The following CTTNBP2 variants were observed in gnomAD, a reference collection of about 807,000 sequenced individuals.
The protein encoded by CTTNBP2 is cortactin-binding protein 2.
In CTTNBP2, 108 loss-of-function variants were observed where a neutral mutation model predicts 156.9. That is an observed-to-expected ratio of 0.69 (90% CI 0.59 to 0.81). The LOEUF (loss-of-function observed/expected upper bound fraction) is 0.81. CTTNBP2 is among the 30% of genes least tolerant of loss of function. The pLI is 0.00. For synonymous variants in CTTNBP2, 767 were observed against 751.8 expected (o/e 1.02, Z -0.33); for missense variants, 1,924 against 2,035.4 (o/e 0.95, Z 1.05).
At chr7:117,799,810 C>T (rs1381014444) in intron 3 of CTTNBP2, among the ~76,000 whole-genome samples, 6 of 151,954 alleles carry the variant, frequency 3.9e-5, no homozygotes, top group Non-Finnish European at 7.4e-5. Flanking sequence ...AGTAATATAG[C>T]AAGATTACAG....
At chr7:117,833,775 C>T (rs548125528) in intron 2 of CTTNBP2, among the ~76,000 whole-genome samples, 1 of 152,312 alleles carries the variant, frequency 6.6e-6, no homozygotes, top group Admixed American at 6.5e-5. Flanking sequence ...AGCACTTTAC[C>T]TAGTACACAA....
Position 117,728,232 on chromosome 7 carries a change from C to T in CTTNBP2, c.3912G>A (p.Val1304=). The change falls in exon 17 of 23, where the codon GTG becomes GTA. Residue 1304 remains valine, a synonymous_variant. Coordinates refer to ENST00000160373, the MANE Select transcript of CTTNBP2 (RefSeq NM_033427.3). The part of the protein sequence containing the change: ...KGQAPSPCDP[V]CKIVDWALSV... ...ACAGAGCCCAGTCGACAATCTTGCA[C>T]ACAGGATCGCAGGGGGAGGGCGCCT... The T allele has an allele frequency of 6.2e-7, 1 of 1,614,086 alleles. No individual in the cohort carries two copies.
At chr7:117,811,869 AATTAAATTAAAATTTTAATGTAAAAAT>A (rs1800309115) in intron 2 of CTTNBP2, among the ~76,000 whole-genome samples, 1 of 132,688 alleles carries the variant, frequency 7.5e-6, no homozygotes, top group Non-Finnish European at 1.6e-5. Flanking sequence ...TAAAAATTTT[AATTAAATTAAAATTTTAATGTAAAAAT>A]TTTAATTAAA....
At chr7:117,808,938 C>T (rs1563028680) in intron 3 of CTTNBP2, among the ~76,000 whole-genome samples, 1 of 152,120 alleles carries the variant, frequency 6.6e-6, no homozygotes, top group Non-Finnish European at 1.5e-5. Flanking sequence ...ACACTATAAT[C>T]TACTAAAATA....
At chr7:117,832,737 C>CATT (rs1801689642) in intron 2 of CTTNBP2, among the ~76,000 whole-genome samples, 1 of 112,996 alleles carries the variant, frequency 8.8e-6, no homozygotes, top group Non-Finnish European at 1.8e-5. Flanking sequence ...ATTCATCAAC[C>CATT]TTTTTTTTTT....
At chr7:117,801,907 T>C (rs1799629265) in intron 3 of CTTNBP2, among the ~76,000 whole-genome samples, 1 of 145,184 alleles carries the variant, frequency 6.9e-6, no homozygotes, top group Admixed American at 6.7e-5. Context: ...ATTTTTTTTA[T>C]TTTTTTATTT....
chr7:117,733,231 TTTTATTAACCTAC>T (rs1188074033), intron 16 of CTTNBP2, among the ~76,000 whole-genome samples: 4 of 152,164 alleles, frequency 2.6e-5, no homozygotes, highest in Non-Finnish European at 5.9e-5. Context: ...CCAGGGGCTG[TTTTATTAACCTAC>T]TTGAAGTGCT....
At chr7:117,798,940 T>TA (rs1375151920) in intron 3 of CTTNBP2, among the ~76,000 whole-genome samples, 1 of 151,802 alleles carries the variant, frequency 6.6e-6, no homozygotes, top group South Asian at 2.1e-4. Context: ...TTCAATAAAT[T>TA]AAAAAATCCT....
intron 19 of CTTNBP2, among the ~76,000 whole-genome samples, chr7:117,723,969 A>G (rs946721461): frequency 1.3e-5 from 2 of 151,886 alleles, no homozygotes; most frequent in African/African-American, 4.8e-5. Flanking sequence ...ACCTCAAGCT[A>G]TCCACTCGTC....
chr7:117,867,903 GA>G (rs1804316385), intron 1 of CTTNBP2, among the ~76,000 whole-genome samples: 2 of 152,146 alleles, frequency 1.3e-5, no homozygotes, highest in Admixed American at 6.5e-5. Flanking sequence ...TACTGACAAG[GA>G]AACAATGTCA....
chr7:117,722,622 G>C (rs2116398814), intron 19 of CTTNBP2, among the ~76,000 whole-genome samples: 1 of 152,176 alleles, frequency 6.6e-6, no homozygotes, highest in African/African-American at 2.4e-5. Flanking sequence ...CCATGATACT[G>C]CTTTAAATTC....
rs148817175 is a variant in CTTNBP2 at position 117,820,380 on chromosome 7, C to T, written c.190-9391G>A. 3.4e-3 allele frequency among the ~76,000 whole-genome samples: 517 copies of T among 152,264 alleles called. 3 individuals are homozygous for T. Among genetic ancestry groups the T allele is most frequent in the Non-Finnish European group, 5.7e-3 (386 of 68,008 alleles). ...GTTAGATCTTTACTTCCAGAGAATA[C>T]GTTTTTAATTTTGATGAAATCCAAT... On this transcript the variant is annotated intron_variant, in intron 2 of 22. Transcript: ENST00000160373.
At chr7:117,857,088 A>G (rs1470659562) in intron 2 of CTTNBP2, among the ~76,000 whole-genome samples, 1 of 152,222 alleles carries the variant, frequency 6.6e-6, no homozygotes, top group Admixed American at 6.5e-5. Context: ...CTTTGGGCAC[A>G]TTCTTTATTG....
chr7:117,735,819 G>A (rs1481237254), intron 14 of CTTNBP2, among the ~76,000 whole-genome samples: 3 of 152,160 alleles, frequency 2.0e-5, no homozygotes, highest in African/African-American at 7.2e-5. Context: ...ATTTCATCAT[G>A]TAAAGTTCAA....
intron 2 of CTTNBP2, among the ~76,000 whole-genome samples, chr7:117,846,683 C>A (rs1439869687): frequency 2.6e-5 from 4 of 151,970 alleles, no homozygotes; most frequent in Admixed American, 1.3e-4. Flanking sequence ...TTACATTTTA[C>A]AAAACTGTTA....
chr7:117,800,611 C>T (rs919938319), intron 3 of CTTNBP2, among the ~76,000 whole-genome samples: 1 of 152,000 alleles, frequency 6.6e-6, no homozygotes, highest in African/African-American at 2.4e-5. Flanking sequence ...GTGTGTTCCA[C>T]GCTTCAGTAA....
rs1795419224 is a variant in CTTNBP2, at chr7:117,731,850, G to A, written c.3876+3063C>T. On this transcript the variant is annotated intron_variant, in intron 16 of 22. Transcript: ENST00000160373. ...TATATAGATCTGTAGCTGATTACAT[G>A]AACTTAACACAAAATAGAGGGGCAC... Among the ~76,000 whole-genome samples, 3 of 152,166 alleles carry A rather than the reference G, an allele frequency of 2.0e-5. No homozygotes were observed. The South Asian group carries it at 6.2e-4, about 32-fold the overall frequency.
intron 2 of CTTNBP2, among the ~76,000 whole-genome samples, chr7:117,850,647 A>G (rs1350391496): frequency 6.6e-6 from 1 of 152,090 alleles, no homozygotes; most frequent in Non-Finnish European, 1.5e-5. Flanking sequence ...TTTATTAGAT[A>G]TATTATAAAT....
At chr7:117,839,469 TA>T (rs5886878) in intron 2 of CTTNBP2, among the ~76,000 whole-genome samples, 34,453 of 152,102 alleles carry the variant, frequency 0.23, 3,985 homozygotes, top group South Asian at 0.38. Flanking sequence ...TAGTCATAGC[TA>T]AGGGATCATA....
Sources: allele counts gnomAD v4.1 joint callset (sites outside exome capture counted in the v4.1 genomes callset), GRCh38; gene constraint gnomAD v4.1.1; transcripts MANE v1.5; gene names NCBI Gene and HGNC (gene_info 2026-07-23, HGNC 2026-07-21).